Variants in DLG2 observed in about 807,000 individuals in gnomAD.
DLG2 encodes disks large homolog 2.
A neutral mutation model predicts 132.5 loss-of-function variants in DLG2; 45 were observed. That is an observed-to-expected ratio of 0.34 (90% CI 0.27 to 0.44). The LOEUF (loss-of-function observed/expected upper bound fraction) is 0.44. Among genes scored for constraint, DLG2 ranks in the 20% least tolerant of loss-of-function variants. The pLI is 1.00. For synonymous variants in DLG2, 424 were observed against 419.6 expected (o/e 1.01, Z -0.13); for missense variants, 1,045 against 1,196.9 (o/e 0.87, Z 1.87).
rs73491958 is a variant in DLG2, at chr11:85,448,674, A to T, written c.40+149983T>A. On this transcript the variant is annotated intron_variant, in intron 3 of 27. Coordinates refer to ENST00000376104, the MANE Select transcript of DLG2 (RefSeq NM_001142699.3). ...TGTCTGGAGATTCTAAGTCACTTTGACACAGAGAAGTAGCCTCTATTTAGG... is the reference window on the plus strand; with the variant it reads ...TGTCTGGAGATTCTAAGTCACTTTGTCACAGAGAAGTAGCCTCTATTTAGG... 9.2e-3 allele frequency among the ~76,000 whole-genome samples: 1,406 copies of T among 152,278 alleles called. 21 individuals carry two copies. The highest frequency in any genetic ancestry group is 0.032 in the African/African-American group (1,324 of 41,564).
At chr11:84,109,381 T>C (rs2093200606) in intron 9 of DLG2, among the ~76,000 whole-genome samples, 1 of 152,208 alleles carries the variant, frequency 6.6e-6, no homozygotes, top group South Asian at 2.1e-4. Context: ...AGGAGCGATA[T>C]GACAAATGTG....
intron 3 of DLG2, among the ~76,000 whole-genome samples, chr11:85,397,527 G>C (rs1481585756): frequency 6.6e-6 from 1 of 152,150 alleles, no homozygotes; most frequent in Non-Finnish European, 1.5e-5. Flanking sequence ...CTGTATTCAG[G>C]AGACACATCT....
chr11:85,519,697 G>A (rs2074122272), intron 3 of DLG2, among the ~76,000 whole-genome samples: 1 of 152,156 alleles, frequency 6.6e-6, no homozygotes, highest in Non-Finnish European at 1.5e-5. Context: ...TTTGGGAGGG[G>A]TCAGGGGTGG....
At chr11:84,884,177 T>C (rs2087834002) in intron 6 of DLG2, among the ~76,000 whole-genome samples, 1 of 152,114 alleles carries the variant, frequency 6.6e-6, no homozygotes, top group Non-Finnish European at 1.5e-5. Flanking sequence ...TCTATTGCTG[T>C]AGACAATTTT....
Position 84,242,630 on chromosome 11 carries a change from T to C in DLG2, c.573+8608A>G, listed in dbSNP as rs2097247080. On this transcript the variant is annotated intron_variant, in intron 8 of 27. Coordinates refer to ENST00000376104, the MANE Select transcript of DLG2 (RefSeq NM_001142699.3). ...CATGTTGGCCAGGCTGGTCTCGAAC[T>C]TCTAACCTCAGGTAATTTGCCCACC... 2.6e-5 allele frequency among the ~76,000 whole-genome samples: 4 copies of C among 152,272 alleles called. No homozygotes were observed. In the South Asian group the frequency reaches 8.3e-4, roughly 32 times the overall value.
intron 4 of DLG2, among the ~76,000 whole-genome samples, chr11:85,254,457 C>T (rs114837201): frequency 7.6e-4 from 115 of 152,128 alleles, no homozygotes; most frequent in African/African-American, 2.6e-3. Flanking sequence ...TAACGATTTG[C>T]TTTTTCATTC....
At chr11:84,991,180 T>G (rs2057057108) in intron 6 of DLG2, among the ~76,000 whole-genome samples, 1 of 152,102 alleles carries the variant, frequency 6.6e-6, no homozygotes, top group African/African-American at 2.4e-5. Context: ...ATTCGATCGG[T>G]GGTTGCCAGA....
Position 84,702,846 on chromosome 11 carries a change from T to C in DLG2, c.358-168115A>G, listed in dbSNP as rs184975662. Among the ~76,000 whole-genome samples, 1,015 of 151,796 alleles carry C rather than the reference T, an allele frequency of 6.7e-3. 9 individuals are homozygous for C. The highest frequency in any genetic ancestry group is 9.2e-3 in the Non-Finnish European group (620 of 67,744). On this transcript the variant is annotated intron_variant, in intron 6 of 27. Coordinates refer to ENST00000376104, the MANE Select transcript of DLG2 (RefSeq NM_001142699.3). ...GGGACTACATCTATTTTCTTCATCA[T>C]TGCCTTCTCAGAACCTTACACAGTG...
At chr11:84,645,617 A>G (rs1377051944) in intron 6 of DLG2, among the ~76,000 whole-genome samples, 6 of 151,924 alleles carry the variant, frequency 3.9e-5, no homozygotes, top group Non-Finnish European at 7.4e-5. Flanking sequence ...ACAGGCGCCC[A>G]CCACCATGCC....
intron 3 of DLG2, among the ~76,000 whole-genome samples, chr11:85,285,932 A>G (rs35695258): frequency 0.013 from 2,042 of 152,138 alleles, 22 homozygotes; most frequent in Non-Finnish European, 0.023. Flanking sequence ...CAAAGAACTC[A>G]ATAGCACAAA....
chr11:83,726,222 G>A (rs1398849017), intron 18 of DLG2, among the ~76,000 whole-genome samples: 1 of 152,150 alleles, frequency 6.6e-6, no homozygotes, highest in Non-Finnish European at 1.5e-5. Context: ...TTTTAAAAGT[G>A]TTTTTTAGGG....
At chr11:84,974,939 T>C (rs778056828) in intron 6 of DLG2, among the ~76,000 whole-genome samples, 2 of 152,240 alleles carry the variant, frequency 1.3e-5, no homozygotes, top group Non-Finnish European at 2.9e-5. Flanking sequence ...TAATTTGATC[T>C]CCAAAAACCT....
chr11:85,096,536 G>A (rs1043821735), intron 6 of DLG2, among the ~76,000 whole-genome samples: 1 of 151,738 alleles, frequency 6.6e-6, no homozygotes, highest in African/African-American at 2.4e-5. Context: ...AACAAACTCT[G>A]GACACACCAT....
rs569305866 is a variant in DLG2 at position 83,908,513 on chromosome 11, C to T, written c.1496+21815G>A. Among the ~76,000 whole-genome samples, 5 of 152,218 alleles carry T rather than the reference C, an allele frequency of 3.3e-5. No individual in the cohort carries two copies. The South Asian group carries it at 1.0e-3, about 32-fold the overall frequency. On this transcript the variant is annotated intron_variant, in intron 15 of 27. Transcript: ENST00000376104. ...ATATGCACGCATGTACATACACATA[C>T]ACACCTACAAAAACAGAGCATATTT...
intron 7 of DLG2, among the ~76,000 whole-genome samples, chr11:84,521,482 G>A (rs2099300442): frequency 6.6e-6 from 1 of 152,194 alleles, no homozygotes; most frequent in African/African-American, 2.4e-5. Context: ...GTAAAATTAA[G>A]TAATTACAAT....
chr11:84,043,093 C>T (rs1450517854), intron 11 of DLG2, among the ~76,000 whole-genome samples: 3 of 150,218 alleles, frequency 2.0e-5, no homozygotes, highest in Non-Finnish European at 4.4e-5. Context: ...TATTTATTGC[C>T]TAAATAAATT....
chr11:85,279,157 T>C (rs898910888), intron 4 of DLG2, among the ~76,000 whole-genome samples: 8 of 152,094 alleles, frequency 5.3e-5, no homozygotes, highest in Admixed American at 5.2e-4. Context: ...AACTAGAATA[T>C]TGGAATCAAG....
chr11:84,364,577 C>T (rs995598557), intron 7 of DLG2, among the ~76,000 whole-genome samples: 7 of 152,110 alleles, frequency 4.6e-5, no homozygotes, highest in Non-Finnish European at 1.0e-4. Context: ...GAGGACATCC[C>T]TGTCTTGTGC....
intron 6 of DLG2, among the ~76,000 whole-genome samples, chr11:84,979,038 A>T (rs1470861148): frequency 6.6e-6 from 1 of 152,228 alleles, no homozygotes. Flanking sequence ...ACATTTATGC[A>T]GCCAACAGAC....
Sources: gnomAD v4.1 joint callset for allele counts (sites outside exome capture counted in the v4.1 genomes callset) on GRCh38, gnomAD v4.1.1 for gene constraint, MANE v1.5 for transcripts, NCBI Gene and HGNC (gene_info 2026-07-23, HGNC 2026-07-21) for gene names.